EYS: variants seen among roughly 807,000 people sequenced by gnomAD.
EYS encodes EGF-like photoreceptor maintenance factor.
A neutral mutation model predicts 282.1 loss-of-function variants in EYS; 250 were observed. The ratio of observed to expected loss-of-function variants is 0.89; its 90% CI spans 0.80 to 0.98. EYS has a LOEUF of 0.98. Among genes scored for constraint, EYS ranks in the 50% least tolerant of loss-of-function variants. EYS has a pLI of 0.00. For missense variants in EYS, 4,016 were observed against 3,709.0 expected (o/e 1.08, Z -2.15); for synonymous variants, 1,355 against 1,282.9 (o/e 1.06, Z -1.20).
intron 26 of EYS, among the ~76,000 whole-genome samples, chr6:64,580,292 C>T (rs542896491): frequency 3.0e-4 from 45 of 152,170 alleles, no homozygotes; most frequent in African/African-American, 1.1e-3. Flanking sequence ...ACAGAAACAA[C>T]AAATGACCAA....
At chr6:65,094,619 T>C (rs1774684584) in intron 12 of EYS, among the ~76,000 whole-genome samples, 1 of 151,120 alleles carries the variant, frequency 6.6e-6, no homozygotes, top group Admixed American at 6.6e-5. Flanking sequence ...ATCTTGAACC[T>C]ACAATGGTCA....
At chr6:63,746,362 C>G (rs182088525) in intron 41 of EYS, among the ~76,000 whole-genome samples, 3 of 152,292 alleles carry the variant, frequency 2.0e-5, no homozygotes, top group African/African-American at 7.2e-5. Flanking sequence ...CAATGTTCAT[C>G]AGGGATATTG....
intron 12 of EYS, among the ~76,000 whole-genome samples, chr6:65,097,364 A>T (rs1352850023): frequency 6.7e-6 from 1 of 149,424 alleles, no homozygotes. Context: ...GTGAGGATGT[A>T]GTGAAATTGG....
intron 33 of EYS, among the ~76,000 whole-genome samples, chr6:64,022,722 C>T (rs1285038135): frequency 6.6e-6 from 1 of 152,196 alleles, no homozygotes; most frequent in African/African-American, 2.4e-5. Flanking sequence ...CTGAAACAGG[C>T]TGCTGTGACT....
At chr6:64,687,139 A>G (rs999701437) in intron 22 of EYS, among the ~76,000 whole-genome samples, 1 of 151,860 alleles carries the variant, frequency 6.6e-6, no homozygotes, top group Admixed American at 6.6e-5. Context: ...TGCTAATTCT[A>G]CATAAACTCT....
In EYS at chr6:65,335,076, C is replaced by T; in HGVS notation, c.1670G>A (p.Arg557Lys). 1 of 1,612,158 alleles carries T rather than the reference C, an allele frequency of 6.2e-7. No individual in the cohort carries two copies. Among genetic ancestry groups the T allele is most frequent in the South Asian group, 1.1e-5 (1 of 91,050 alleles). The change falls in exon 11 of 43, where the codon AGA becomes AAA. Residue 557 changes from arginine to lysine, a missense_variant. By Grantham distance (26) the Arg-to-Lys change is conservative. Coordinates refer to ENST00000503581, the MANE Select transcript of EYS (RefSeq NM_001142800.2). ...SQEYRYLCFL[R>K]WAGNMYLENT... is the part of the protein sequence containing the mutation. Reference sequence around the variant, plus strand: ...TTCCAGATACATGTTGCCAGCCCATCTGAGAAAACATAGATACCGATATTC... The same window carrying T: ...TTCCAGATACATGTTGCCAGCCCATTTGAGAAAACATAGATACCGATATTC...
intron 31 of EYS, among the ~76,000 whole-genome samples, chr6:64,164,068 TGTAAA>T (rs1226220843): frequency 6.6e-6 from 1 of 152,142 alleles, no homozygotes; most frequent in Non-Finnish European, 1.5e-5. Flanking sequence ...TCAGAAAATG[TGTAAA>T]GTAAACTCCT....
At chr6:64,953,156 C>A (rs549959978) in intron 14 of EYS, among the ~76,000 whole-genome samples, 1 of 151,718 alleles carries the variant, frequency 6.6e-6, no homozygotes, top group South Asian at 2.1e-4. Flanking sequence ...GGATTGCTTC[C>A]ATTTTGAAAA....
chr6:63,912,234 T>C (rs1317277312), intron 35 of EYS, among the ~76,000 whole-genome samples: 1 of 152,170 alleles, frequency 6.6e-6, no homozygotes, highest in Non-Finnish European at 1.5e-5. Context: ...CGTAAGTCTC[T>C]CCATGTTGCT....
chr6:64,457,459 G>A (rs1352260234), intron 26 of EYS, among the ~76,000 whole-genome samples: 1 of 151,828 alleles, frequency 6.6e-6, no homozygotes, highest in Non-Finnish European at 1.5e-5. Flanking sequence ...TAAAAGTGAG[G>A]CACTGAAATT....
chr6:64,249,075 A>AC (rs1767118759), intron 30 of EYS, among the ~76,000 whole-genome samples: 1 of 151,308 alleles, frequency 6.6e-6, no homozygotes, highest in Non-Finnish European at 1.5e-5. Flanking sequence ...AAAAAAAAAA[A>AC]AAAAAAAAAA....
At chr6:64,516,920 ATAT>A (rs1309705480) in intron 26 of EYS, among the ~76,000 whole-genome samples, 1 of 151,822 alleles carries the variant, frequency 6.6e-6, no homozygotes, top group Non-Finnish European at 1.5e-5. Context: ...TATACAAAAC[ATAT>A]TATATAAATA....
intron 12 of EYS, among the ~76,000 whole-genome samples, chr6:65,210,472 A>G (rs1448878837): frequency 6.6e-6 from 1 of 152,050 alleles, no homozygotes; most frequent in Non-Finnish European, 1.5e-5. Context: ...ATGACGTTTA[A>G]TAATTTCATT....
chr6:65,553,108 T>C (rs1411763588), intron 2 of EYS, among the ~76,000 whole-genome samples: 1 of 152,194 alleles, frequency 6.6e-6, no homozygotes, highest in African/African-American at 2.4e-5. Context: ...TGTCCACAGC[T>C]CTACTGAAAT....
intron 5 of EYS, among the ~76,000 whole-genome samples, chr6:65,444,267 C>T (rs1768566256): frequency 6.6e-6 from 1 of 151,918 alleles, no homozygotes. Context: ...TAAATCTTCC[C>T]ATACTAAATT....
At chr6:65,159,122 C>T (rs935042313) in intron 12 of EYS, among the ~76,000 whole-genome samples, 1 of 150,864 alleles carries the variant, frequency 6.6e-6, no homozygotes, top group Non-Finnish European at 1.5e-5. Flanking sequence ...TAAAACAACA[C>T]ATAATTTTTG....
chr6:65,071,323 T>A (rs775995635), intron 12 of EYS, among the ~76,000 whole-genome samples: 29 of 151,926 alleles, frequency 1.9e-4, no homozygotes, highest in Non-Finnish European at 2.2e-4. Context: ...ACTTTCAGCC[T>A]ATTTGATATC....
intron 36 of EYS, among the ~76,000 whole-genome samples, chr6:63,810,192 C>T (rs558166912): frequency 1.4e-5 from 2 of 146,088 alleles, no homozygotes; most frequent in African/African-American, 2.5e-5. Context: ...ATCCGCGAGA[C>T]GGAGGTTGCA....
At chr6:64,620,960 G>T (rs914344418) in intron 23 of EYS, among the ~76,000 whole-genome samples, 1 of 152,098 alleles carries the variant, frequency 6.6e-6, no homozygotes, top group Admixed American at 6.6e-5. Flanking sequence ...AATAATTGTG[G>T]TGCAAAATAA....
Sources: allele counts gnomAD v4.1 joint callset (sites outside exome capture counted in the v4.1 genomes callset), GRCh38; gene constraint gnomAD v4.1.1; transcripts MANE v1.5; gene names NCBI Gene and HGNC (gene_info 2026-07-23, HGNC 2026-07-21).